FAF2: variants seen among roughly 807,000 people sequenced by gnomAD.
FAF2 encodes Fas associated factor family member 2.
In FAF2, 9 loss-of-function variants were observed where a neutral mutation model predicts 62.3. The ratio of observed to expected loss-of-function variants is 0.14; its 90% CI spans 0.09 to 0.25. FAF2 has a LOEUF of 0.25. FAF2 is among the 10% of genes least tolerant of loss of function. FAF2 has a pLI of 1.00. For synonymous variants in FAF2, 202 were observed against 198.0 expected (o/e 1.02, Z -0.17); for missense variants, 368 against 556.2 (o/e 0.66, Z 3.40).
chr5:176,464,555 C>T (rs1758432857), intron 1 of FAF2, among the ~76,000 whole-genome samples: 1 of 144,324 alleles, frequency 6.9e-6, no homozygotes, highest in Non-Finnish European at 1.5e-5. Context: ...TACAGTGGCA[C>T]AACCATAGCT....
At chr5:176,477,483 G>A (rs1235332633) in intron 1 of FAF2, among the ~76,000 whole-genome samples, 1 of 152,062 alleles carries the variant, frequency 6.6e-6, no homozygotes, top group Non-Finnish European at 1.5e-5. Flanking sequence ...TGAAAGTTAA[G>A]GGGGTCCTAT....
At chr5:176,463,384 C>CAAAA (rs796695371) in intron 1 of FAF2, among the ~76,000 whole-genome samples, 1 of 136,166 alleles carries the variant, frequency 7.3e-6, no homozygotes, top group African/African-American at 2.7e-5. Context: ...GACTCCATCT[C>CAAAA]AAAAAAAAAA....
intron 1 of FAF2, among the ~76,000 whole-genome samples, chr5:176,456,230 C>G (rs915916469): frequency 1.3e-5 from 2 of 152,074 alleles, no homozygotes; most frequent in Non-Finnish European, 2.9e-5. Context: ...TGCCACCACA[C>G]CCGGCTAATT....
intron 10 of FAF2, among the ~76,000 whole-genome samples, chr5:176,502,909 G>A (rs1165338972): frequency 6.6e-6 from 1 of 152,006 alleles, no homozygotes; most frequent in African/African-American, 2.4e-5. Flanking sequence ...TTAGCTGGGT[G>A]TGGTGGCGAG....
At chr5:176,472,811 T>C (rs1405675506) in intron 1 of FAF2, among the ~76,000 whole-genome samples, 1 of 151,702 alleles carries the variant, frequency 6.6e-6, no homozygotes, top group Non-Finnish European at 1.5e-5. Context: ...TGGAAAAATA[T>C]TGCCTGAAAT....
rs527607886 is a variant in FAF2 at position 176,452,915 on chromosome 5, A to G, written c.63+4445A>G. Among the ~76,000 whole-genome samples, 11 of 152,338 alleles carry G rather than the reference A, an allele frequency of 7.2e-5. No homozygotes were observed. The East Asian group carries it at 1.9e-3, about 27-fold the overall frequency. On this transcript the variant is annotated intron_variant, in intron 1 of 10. Coordinates refer to ENST00000261942, the MANE Select transcript of FAF2 (RefSeq NM_014613.3). ...ACAGGGGTCAGTACAGAACAGGATG[A>G]CACTGCTAGGAGTTGGTTCTCAATA...
intron 1 of FAF2, among the ~76,000 whole-genome samples, chr5:176,467,117 GTTTTTTTTTTCCT>G (rs1758482159): frequency 8.5e-6 from 1 of 117,534 alleles, no homozygotes; most frequent in Non-Finnish European, 1.7e-5. Flanking sequence ...CCCAATGGCT[GTTTTTTTTTTCCT>G]TTTTTTTTTT....
At chr5:176,477,904 C>G (rs548166858) in intron 1 of FAF2, among the ~76,000 whole-genome samples, 1 of 152,212 alleles carries the variant, frequency 6.6e-6, no homozygotes, top group Non-Finnish European at 1.5e-5. Flanking sequence ...AGATCAGTCT[C>G]TTTGCCCTGA....
intron 10 of FAF2, among the ~76,000 whole-genome samples, chr5:176,506,204 A>AC (rs59294906): frequency 0.049 from 6,971 of 142,024 alleles, 578 homozygotes; most frequent in African/African-American, 0.18. Context: ...AAAAAAAAAA[A>AC]AACAAAAAAA....
chr5:176,495,821 A>G (rs1018206750), intron 7 of FAF2, among the ~76,000 whole-genome samples: 1 of 152,058 alleles, frequency 6.6e-6, no homozygotes, highest in Non-Finnish European at 1.5e-5. Context: ...TCAACTTTCT[A>G]TTAATAAGCT....
chr5:176,495,473 C>G, intron 7 of FAF2, among the ~76,000 whole-genome samples: 1 of 150,100 alleles, frequency 6.7e-6, no homozygotes, highest in East Asian at 2.0e-4. Context: ...ATAGGTAAAA[C>G]TCTGTTATGG....
chr5:176,507,230 G>T lies in FAF2; in HGVS notation c.*280G>T. On this transcript the variant is annotated 3_prime_UTR_variant, in exon 11 of 11. Coordinates refer to ENST00000261942, the MANE Select transcript of FAF2 (RefSeq NM_014613.3). ...GTGGCCTCTGTGCACGCACCTTCCA[G>T]TGAACAGAGACTCTTCACCTTCGAC... 4.5e-6 allele frequency: 2 copies of T among 448,412 alleles called. No individual in the cohort carries two copies. The highest frequency in any genetic ancestry group is 3.2e-5 in the South Asian group (2 of 61,612). 27.8% of individuals were successfully genotyped at this position (448,412 alleles called of 1,614,324 possible). A position where few individuals can be genotyped will look rare whatever the true frequency, so the allele number is the denominator to read the frequency against.
intron 9 of FAF2, among the ~76,000 whole-genome samples, chr5:176,499,628 T>A (rs1755559286): frequency 6.6e-6 from 1 of 151,932 alleles, no homozygotes; most frequent in African/African-American, 2.4e-5. Flanking sequence ...TTTTTTTTTT[T>A]AAGAGACAGG....
intron 4 of FAF2, among the ~76,000 whole-genome samples, chr5:176,489,858 T>C (rs560900887): frequency 5.3e-5 from 8 of 152,096 alleles, no homozygotes; most frequent in Non-Finnish European, 2.9e-5. Flanking sequence ...CTTCGGTACC[T>C]TTTCACTTTG....
At chr5:176,458,088 C>T (rs1185523064) in intron 1 of FAF2, among the ~76,000 whole-genome samples, 2 of 146,948 alleles carry the variant, frequency 1.4e-5, no homozygotes, top group East Asian at 1.9e-4. Flanking sequence ...TCCTCTTCTC[C>T]CTTCTCTTCT....
intron 10 of FAF2, among the ~76,000 whole-genome samples, chr5:176,503,276 C>A (rs757676912): frequency 2.6e-5 from 4 of 151,186 alleles, no homozygotes; most frequent in Non-Finnish European, 4.4e-5. Flanking sequence ...TTGTGTCGGC[C>A]GGGTGCAGTG....
intron 1 of FAF2, among the ~76,000 whole-genome samples, chr5:176,478,927 G>C (rs980291953): frequency 6.6e-6 from 1 of 152,146 alleles, no homozygotes; most frequent in African/African-American, 2.4e-5. Flanking sequence ...TTGAATTTGA[G>C]AGGAGAATAT....
At chr5:176,473,737 G>A (rs1758614840) in intron 1 of FAF2, among the ~76,000 whole-genome samples, 1 of 152,154 alleles carries the variant, frequency 6.6e-6, no homozygotes, top group Admixed American at 6.5e-5. Context: ...TCGAGCTTTA[G>A]TCACTGGGAT....
At chr5:176,483,452 C>T (rs1333063357) in intron 2 of FAF2, among the ~76,000 whole-genome samples, 1 of 152,050 alleles carries the variant, frequency 6.6e-6, no homozygotes, top group Non-Finnish European at 1.5e-5. Flanking sequence ...ATAGTGTGAT[C>T]TAGGGGTTAA....
Sources: allele counts gnomAD v4.1 joint callset (sites outside exome capture counted in the v4.1 genomes callset), GRCh38; gene constraint gnomAD v4.1.1; transcripts MANE v1.5; gene names NCBI Gene and HGNC (gene_info 2026-07-23, HGNC 2026-07-21).